PTPRE: variants seen among roughly 807,000 people sequenced by gnomAD.
PTPRE encodes the protein receptor-type tyrosine-protein phosphatase epsilon.
Under a neutral mutation model 102.0 loss-of-function variants are expected in PTPRE, and 51 were observed. The ratio of observed to expected loss-of-function variants is 0.50; its 90% CI spans 0.40 to 0.63. The LOEUF is 0.63. Among genes scored for constraint, PTPRE ranks in the 30% least tolerant of loss-of-function variants. PTPRE has a pLI of 0.00. For synonymous variants in PTPRE, 345 were observed against 348.2 expected (o/e 0.99, Z 0.10); for missense variants, 752 against 915.1 (o/e 0.82, Z 2.30).
intron 1 of PTPRE, among the ~76,000 whole-genome samples, chr10:127,952,710 G>T (rs1849124594): frequency 6.6e-6 from 1 of 152,156 alleles, no homozygotes; most frequent in South Asian, 2.1e-4. Context: ...TGCTGGGTGT[G>T]CCTGCTTATC....
At chr10:128,069,365 C>A (rs908145449) in intron 12 of PTPRE, 1 of 233,310 alleles carries the variant, frequency 4.3e-6, no homozygotes, top group Non-Finnish European at 8.3e-6. Context: ...CCCAGGGGGA[C>A]AGATCTAGGA....
At chr10:128,000,111 GTCACAGCAGT>G (rs1853715214) in intron 2 of PTPRE, 1 of 446,430 alleles carries the variant, frequency 2.2e-6, no homozygotes, top group African/African-American at 2.1e-5. Context: ...ATTTAGGAAT[GTCACAGCAGT>G]TCTATTCCTT....
At chr10:128,009,002 C>T (rs1253417266) in intron 2 of PTPRE, among the ~76,000 whole-genome samples, 2 of 152,156 alleles carry the variant, frequency 1.3e-5, no homozygotes, top group Non-Finnish European at 2.9e-5. Context: ...CCTTGTCAGT[C>T]AGGGGTTGCT....
At chr10:127,996,875 C>A (rs962707652) in intron 2 of PTPRE, among the ~76,000 whole-genome samples, 1 of 152,176 alleles carries the variant, frequency 6.6e-6, no homozygotes, top group Non-Finnish European at 1.5e-5. Context: ...GGAGGCCCCA[C>A]AACATTCTTT....
At chr10:127,989,654 G>A (rs147908585) in intron 2 of PTPRE, among the ~76,000 whole-genome samples, 1 of 152,348 alleles carries the variant, frequency 6.6e-6, no homozygotes, top group East Asian at 1.9e-4. Flanking sequence ...GTTCAGACCT[G>A]CCAAAAGAAA....
intron 1 of PTPRE, among the ~76,000 whole-genome samples, chr10:127,925,644 G>C (rs928477684): frequency 6.6e-6 from 1 of 152,188 alleles, no homozygotes; most frequent in African/African-American, 2.4e-5. Context: ...CACGGCCACT[G>C]AGCCTGCTAG....
intron 2 of PTPRE, among the ~76,000 whole-genome samples, chr10:127,995,027 C>T (rs1056114461): frequency 3.3e-5 from 5 of 152,114 alleles, no homozygotes; most frequent in Admixed American, 1.3e-4. Flanking sequence ...TGAGGGCTTC[C>T]GGGTCAATAA....
At chr10:128,043,068 G>A (rs923601290) in intron 3 of PTPRE, among the ~76,000 whole-genome samples, 2 of 152,242 alleles carry the variant, frequency 1.3e-5, no homozygotes, top group African/African-American at 4.8e-5. Context: ...CACATTATGG[G>A]CAGCATTCCG....
At chr10:127,916,351 G>C (rs1846208173) in intron 1 of PTPRE, among the ~76,000 whole-genome samples, 1 of 150,570 alleles carries the variant, frequency 6.6e-6, no homozygotes, top group African/African-American at 2.5e-5. Flanking sequence ...TCACTTCACT[G>C]TGCACTTCAC....
intron 1 of PTPRE, among the ~76,000 whole-genome samples, chr10:127,960,789 C>A (rs551714574): frequency 9.9e-5 from 15 of 151,982 alleles, no homozygotes; most frequent in African/African-American, 3.6e-4. Flanking sequence ...TTTGGGAGGC[C>A]GAGGTGGGCG....
chr10:127,957,382 C>T (rs1849480781), intron 1 of PTPRE, among the ~76,000 whole-genome samples: 1 of 152,100 alleles, frequency 6.6e-6, no homozygotes, highest in Admixed American at 6.6e-5. Context: ...CATAGTTGAC[C>T]ATATTTATGT....
chr10:127,950,999 AG>A (rs1848981558), intron 1 of PTPRE, among the ~76,000 whole-genome samples: 1 of 152,110 alleles, frequency 6.6e-6, no homozygotes, highest in African/African-American at 2.4e-5. Context: ...TGAGAGGCTG[AG>A]GCAGGAGAAT....
chr10:128,063,675 A>G (rs937211946), intron 10 of PTPRE, among the ~76,000 whole-genome samples: 1 of 152,390 alleles, frequency 6.6e-6, no homozygotes. Flanking sequence ...GTACGTTATA[A>G]GAATTTGAAT....
intron 1 of PTPRE, among the ~76,000 whole-genome samples, chr10:127,952,731 T>A (rs1247993406): frequency 6.6e-6 from 1 of 152,172 alleles, no homozygotes; most frequent in African/African-American, 2.4e-5. Flanking sequence ...AGACACTCAA[T>A]CTTGCAAGAC....
intron 2 of PTPRE, among the ~76,000 whole-genome samples, chr10:128,004,821 G>A (rs11016010): frequency 0.13 from 20,387 of 152,212 alleles, 1,556 homozygotes; most frequent in Admixed American, 0.17. Context: ...AAATCTTTCC[G>A]TGGTGGCTGC....
At chr10:127,976,305 G>C (rs900744287) in intron 1 of PTPRE, among the ~76,000 whole-genome samples, 1 of 152,200 alleles carries the variant, frequency 6.6e-6, no homozygotes, top group African/African-American at 2.4e-5. Flanking sequence ...ATTTGATACT[G>C]ATAATAATGG....
intron 19 of PTPRE, among the ~76,000 whole-genome samples, chr10:128,079,358 G>C (rs1360626536): frequency 6.6e-6 from 1 of 152,074 alleles, no homozygotes; most frequent in Non-Finnish European, 1.5e-5. Context: ...AATTAGGGAG[G>C]TGTTTTAGGA....
chr10:128,039,160 G>A (rs1847463756), intron 2 of PTPRE, among the ~76,000 whole-genome samples: 1 of 152,136 alleles, frequency 6.6e-6, no homozygotes. Context: ...AAGTATTGTG[G>A]CAGTGTGCAA....
chr10:127,970,830 G>T (rs190777535), intron 1 of PTPRE, among the ~76,000 whole-genome samples: 13 of 151,470 alleles, frequency 8.6e-5, no homozygotes, highest in Non-Finnish European at 1.6e-4. Flanking sequence ...ATTCCTATTC[G>T]TATCATAGGA....
Sources: gnomAD v4.1 joint callset for allele counts (sites outside exome capture counted in the v4.1 genomes callset) on GRCh38, gnomAD v4.1.1 for gene constraint, MANE v1.5 for transcripts, NCBI Gene and HGNC (gene_info 2026-07-23, HGNC 2026-07-21) for gene names.